Variants in NAALADL2 observed in about 807,000 individuals in gnomAD.
The protein encoded by NAALADL2 is inactive N-acetylated-alpha-linked acidic dipeptidase-like protein 2.
NAALADL2 carries 76 observed loss-of-function variants against 87.2 expected under a neutral mutation model. The observed-to-expected ratio is 0.87, with a 90% CI of 0.72 to 1.05. The LOEUF is 1.05. Among genes scored for constraint, NAALADL2 ranks in the 50% least tolerant of loss-of-function variants. The pLI is 0.00. For missense variants in NAALADL2, 1,089 were observed against 945.8 expected (o/e 1.15, Z -1.99); for synonymous variants, 354 against 331.0 (o/e 1.07, Z -0.75).
intron 1 of NAALADL2, among the ~76,000 whole-genome samples, chr3:175,066,344 G>A (rs115394633): frequency 1.4e-3 from 208 of 152,198 alleles, no homozygotes; most frequent in African/African-American, 4.7e-3. Context: ...GAGTGCTCCT[G>A]GGCCTCCATA....
At chr3:175,353,186 G>T (rs2148882783) in intron 5 of NAALADL2, among the ~76,000 whole-genome samples, 1 of 151,376 alleles carries the variant, frequency 6.6e-6, no homozygotes, top group Non-Finnish European at 1.5e-5. Context: ...ACTGCTTTTA[G>T]TTTGTGATTT....
chr3:175,112,511 C>T (rs980835493), intron 2 of NAALADL2: 1 of 151,614 alleles, frequency 6.6e-6, no homozygotes, highest in Non-Finnish European at 1.5e-5. Flanking sequence ...GAGTTATACT[C>T]CTCTGTCATG....
chr3:174,559,297 C>G (rs1190817361), intron 2 of NAALADL2, among the ~76,000 whole-genome samples: 2 of 152,150 alleles, frequency 1.3e-5, no homozygotes, highest in African/African-American at 2.4e-5. Context: ...TGGTGAATCC[C>G]TGCACCATTA....
At chr3:174,969,533 G>T (rs1041621100) in intron 1 of NAALADL2, among the ~76,000 whole-genome samples, 1 of 152,048 alleles carries the variant, frequency 6.6e-6, no homozygotes, top group African/African-American at 2.4e-5. Flanking sequence ...GACAAGCCTG[G>T]GGAAATGACA....
intron 1 of NAALADL2, among the ~76,000 whole-genome samples, chr3:175,011,274 GAGAGACAGAGA>G (rs1560472265): frequency 3.5e-5 from 4 of 113,566 alleles, no homozygotes; most frequent in African/African-American, 1.5e-4. Context: ...GAGAGAGACA[GAGAGACAGAGA>G]GAGAGAGAGA....
At position 175,048,081 on chromosome 3, in the gene NAALADL2, T is replaced by G. The variant is rs192503261; in HGVS notation, c.44-48709T>G. 3.3e-4 allele frequency among the ~76,000 whole-genome samples: 50 copies of G among 152,324 alleles called. 1 individual carries two copies. Among genetic ancestry groups the G allele is most frequent in the South Asian group, 2.1e-3 (10 of 4,830 alleles). ...GTCTTTGGTAGTGGGATTTGTACTT[T>G]AATTTCTGTAGCTTTTTGATAAGTT... On this transcript the variant is annotated intron_variant, in intron 1 of 13. Transcript: ENST00000454872.
At chr3:175,545,445 T>C (rs936803899) in intron 9 of NAALADL2, among the ~76,000 whole-genome samples, 2 of 152,140 alleles carry the variant, frequency 1.3e-5, no homozygotes, top group Non-Finnish European at 2.9e-5. Flanking sequence ...TTTCCACAGT[T>C]TCTGTGTTTG....
At chr3:175,551,383 T>G (rs530307868) in intron 9 of NAALADL2, among the ~76,000 whole-genome samples, 27 of 152,164 alleles carry the variant, frequency 1.8e-4, no homozygotes, top group Non-Finnish European at 3.5e-4. Flanking sequence ...CAATATCATC[T>G]GTCATCTCTT....
chr3:174,737,113 G>A (rs1243331886), intron 2 of NAALADL2, among the ~76,000 whole-genome samples: 4 of 152,196 alleles, frequency 2.6e-5, no homozygotes, highest in Admixed American at 6.5e-5. Context: ...CAGGCCATGG[G>A]GCATGCAGCC....
At chr3:175,312,127 T>C (rs1285252262) in intron 4 of NAALADL2, among the ~76,000 whole-genome samples, 1 of 152,014 alleles carries the variant, frequency 6.6e-6, no homozygotes, top group Non-Finnish European at 1.5e-5. Flanking sequence ...ACACAATACA[T>C]AAGTAAGGGG....
chr3:175,170,867 T>C (rs1734700847), intron 2 of NAALADL2, among the ~76,000 whole-genome samples: 1 of 151,836 alleles, frequency 6.6e-6, no homozygotes, highest in Non-Finnish European at 1.5e-5. Flanking sequence ...CAAAATTGTA[T>C]ATTCAGTATG....
chr3:175,473,158 A>T (rs1455181490), intron 9 of NAALADL2, among the ~76,000 whole-genome samples: 2 of 152,140 alleles, frequency 1.3e-5, no homozygotes, highest in African/African-American at 4.8e-5. Context: ...ATATAATGCT[A>T]TTTAAAATAT....
intron 5 of NAALADL2, among the ~76,000 whole-genome samples, chr3:175,424,934 G>A (rs1432120649): frequency 6.6e-6 from 1 of 152,036 alleles, no homozygotes; most frequent in Non-Finnish European, 1.5e-5. Context: ...TCTGCAACCT[G>A]GAATTTGGAG....
chr3:174,850,301 CT>C (rs1273265026), intron 3 of NAALADL2, among the ~76,000 whole-genome samples: 1 of 152,036 alleles, frequency 6.6e-6, no homozygotes, highest in African/African-American at 2.4e-5. Context: ...TGTTATTTGC[CT>C]CTTTTGCTGC....
intron 1 of NAALADL2, among the ~76,000 whole-genome samples, chr3:174,505,808 C>A (rs1719167958): frequency 6.6e-6 from 1 of 152,296 alleles, no homozygotes; most frequent in Non-Finnish European, 1.5e-5. Context: ...AAATTACTTT[C>A]TCTTGCCCAA....
At chr3:174,923,492 C>G (rs1051766308) in intron 1 of NAALADL2, among the ~76,000 whole-genome samples, 1 of 151,986 alleles carries the variant, frequency 6.6e-6, no homozygotes, top group East Asian at 1.9e-4. Context: ...ATTAGGCAAA[C>G]AAAATAGTAA....
chr3:175,498,623 T>A (rs1182306422), intron 9 of NAALADL2, among the ~76,000 whole-genome samples: 1 of 152,134 alleles, frequency 6.6e-6, no homozygotes, highest in Non-Finnish European at 1.5e-5. Flanking sequence ...TTTTGCTTTC[T>A]AATCTCTACA....
At chr3:174,503,266 C>T (rs1719013086) in intron 1 of NAALADL2, among the ~76,000 whole-genome samples, 1 of 152,092 alleles carries the variant, frequency 6.6e-6, no homozygotes, top group Non-Finnish European at 1.5e-5. Flanking sequence ...AAAATGTCTG[C>T]CATGTTTCTG....
intron 1 of NAALADL2, among the ~76,000 whole-genome samples, chr3:174,934,828 G>A (rs533860544): frequency 1.4e-4 from 22 of 152,120 alleles, no homozygotes; most frequent in Non-Finnish European, 2.6e-4. Flanking sequence ...AAGTTTGAAG[G>A]ATATTATGAT....
Sources: gnomAD v4.1 joint callset for allele counts (sites outside exome capture counted in the v4.1 genomes callset) on GRCh38, gnomAD v4.1.1 for gene constraint, MANE v1.5 for transcripts, NCBI Gene and HGNC (gene_info 2026-07-23, HGNC 2026-07-21) for gene names.